Variants in IFFO1 observed in about 807,000 individuals in gnomAD.
IFFO1 encodes intermediate filament family orphan 1.
Under a neutral mutation model 59.6 loss-of-function variants are expected in IFFO1, and 42 were observed. The observed-to-expected ratio is 0.70, with a 90% CI of 0.55 to 0.91. IFFO1 has a LOEUF of 0.91. Among genes scored for constraint, IFFO1 ranks in the 40% least tolerant of loss-of-function variants. IFFO1 has a pLI of 0.00. For synonymous variants in IFFO1, 336 were observed against 342.8 expected (o/e 0.98, Z 0.22); for missense variants, 711 against 793.2 (o/e 0.90, Z 1.24).
Position 6,549,053 on chromosome 12 carries a change from G to A in IFFO1, c.1081-204C>T. The A allele has an allele frequency of 1.7e-6, 1 of 594,036 alleles. No homozygotes were observed. Among genetic ancestry groups the A allele is most frequent in the Non-Finnish European group, 3.0e-6 (1 of 336,292 alleles). 36.8% of individuals were successfully genotyped at this position (594,036 alleles called of 1,614,324 possible). ...GGGGGTCAGGGCTGCAAACCGAGAAGGCAGAACAAGAAGAAATCGAGAAGA... is the reference window on the plus strand; with the variant it reads ...GGGGGTCAGGGCTGCAAACCGAGAAAGCAGAACAAGAAGAAATCGAGAAGA... On this transcript the variant is annotated intron_variant, in intron 5 of 9. Coordinates refer to ENST00000619571, the MANE Select transcript of IFFO1 (RefSeq NM_001193457.2). The surrounding 1 kb of genome is among the most constrained non-coding windows in gnomAD (Gnocchi z 5.0).
intron 9 of IFFO1, 118 bp from the exon 10 acceptor site, chr12:6,540,706 C>T (rs569833232): frequency 1.4e-5 from 12 of 859,294 alleles, no homozygotes; most frequent in East Asian, 1.0e-4. Context: ...GAAGCGAGGG[C>T]GGGGCCGCGG....
Position 6,549,562 on chromosome 12 carries a change from G to GCCCCCC in IFFO1, c.1072-79_1072-78insGGGGGG. The GCCCCCC allele has an allele frequency of 9.6e-7, 1 of 1,041,638 alleles. No homozygotes were observed. Among genetic ancestry groups the GCCCCCC allele is most frequent in the Non-Finnish European group, 1.5e-6 (1 of 675,760 alleles). 64.5% of individuals were successfully genotyped at this position (1,041,638 alleles called of 1,614,324 possible). A position where few individuals can be genotyped will look rare whatever the true frequency, so the allele number is the denominator to read the frequency against. ...AGAGGAGAGAGAGGGGGAAGGGAGA[G>GCCCCCC]ACGGCGTTAGAGACAGCTTCCACGA... On this transcript the variant is annotated intron_variant, in intron 4 of 9. Coordinates refer to ENST00000619571, the MANE Select transcript of IFFO1 (RefSeq NM_001193457.2). This position sits in a 1 kb window ranked among gnomAD's most constrained non-coding sequence, Gnocchi z 5.0.
At chr12:6,550,181 C>T in intron 3 of IFFO1, 1 of 411,224 alleles carries the variant, frequency 2.4e-6, no homozygotes, top group South Asian at 4.8e-5. Flanking sequence ...ACTGGAACGA[C>T]TAGCGGTCCT....
chr12:6,549,062 A>G lies in IFFO1; in HGVS notation c.1081-213T>C. On this transcript the variant is annotated intron_variant, in intron 5 of 9. Transcript: ENST00000619571. This position sits in a 1 kb window ranked among gnomAD's most constrained non-coding sequence, Gnocchi z 5.0. ...GGCTGCAAACCGAGAAGGCAGAACA[A>G]GAAGAAATCGAGAAGAAGAGCAGTC... The G allele has an allele frequency of 3.4e-6, 2 of 589,604 alleles. No individual in the cohort carries two copies. The highest frequency in any genetic ancestry group is 6.0e-6 in the Non-Finnish European group (2 of 333,700). 36.5% of individuals were successfully genotyped at this position (589,604 alleles called of 1,614,324 possible).
Position 6,550,801 on chromosome 12 carries a change from G to A in IFFO1, c.835-11C>T. The A allele has an allele frequency of 1.2e-6, 2 of 1,613,232 alleles. No homozygotes were observed. Among genetic ancestry groups the A allele is most frequent in the African/African-American group, 1.3e-5 (1 of 75,032 alleles). On this transcript the variant is annotated splice_polypyrimidine_tract_variant and intron_variant, in intron 2 of 9. Transcript: ENST00000619571. Reference sequence around the variant, plus strand: ...AGCCTCCTGGGCTTCCTGCAGTTGGGAGAAACCCTGATGTTGGTGGCACTG... The same window carrying A: ...AGCCTCCTGGGCTTCCTGCAGTTGGAAGAAACCCTGATGTTGGTGGCACTG...
chr12:6,549,773 T>C lies in IFFO1; in HGVS notation c.1054A>G (p.Met352Val), dbSNP rs778251881. 12 of 1,613,730 alleles carry C rather than the reference T, an allele frequency of 7.4e-6. No homozygotes were observed. Among genetic ancestry groups the C allele is most frequent in the Middle Eastern group, 1.6e-4 (1 of 6,080 alleles). Residue 352 changes from methionine (M) to valine (V), a missense_variant, in exon 4 of 10, where the codon ATG becomes GTG. Coordinates refer to ENST00000619571, the MANE Select transcript of IFFO1 (RefSeq NM_001193457.2). This position sits in a 1 kb window ranked among gnomAD's most constrained non-coding sequence, Gnocchi z 5.0. ...GTCCTCACCTGGAACATCTGGATCA[T>C]GTCCTCGCAGTTGCGCTGCTGAGCC... Reference protein sequence around the residue: ...DVAQQRNCEDMIQMFQKKLSL... With the variant: ...DVAQQRNCEDVIQMFQKKLSL...
chr12:6,551,302 C>T, intron 1 of IFFO1: 1 of 718,052 alleles, frequency 1.4e-6, no homozygotes, highest in Non-Finnish European at 2.1e-6. Flanking sequence ...ATGCCCATCC[C>T]TGCTCAGGCC....
chr12:6,550,596 G>T, intron 3 of IFFO1, 99 bp downstream of exon 3: 1 of 806,554 alleles, frequency 1.2e-6, no homozygotes. Flanking sequence ...AAGGGGAGGA[G>T]CCGTGGACGG....
At position 6,551,307 on chromosome 12, in the gene IFFO1, C is replaced by T; in HGVS notation, c.774-306G>A. ...GTCCTCCGTGATGCCCATCCCTGCTCAGGCCCCAGCTCAGCCAGCTGTCCG... is the reference window on the plus strand; with the variant it reads ...GTCCTCCGTGATGCCCATCCCTGCTTAGGCCCCAGCTCAGCCAGCTGTCCG... On this transcript the variant is annotated intron_variant, in intron 1 of 9. Coordinates refer to ENST00000619571, the MANE Select transcript of IFFO1 (RefSeq NM_001193457.2). The T allele has an allele frequency of 4.0e-6, 3 of 746,236 alleles. No homozygotes were observed. In the South Asian group the frequency reaches 4.9e-5, roughly 12 times the overall value. 46.2% of individuals were successfully genotyped at this position (746,236 alleles called of 1,614,324 possible).
rs912942529 is a variant in IFFO1, at chr12:6,541,359, T to C, written c.1610+153A>G. ...ATCCAACTGCCAAGGGAGAGAGCTG[T>C]GGGTCTGGGCCAGCCCCACCAGGTA... On this transcript the variant is annotated intron_variant, in intron 9 of 9. Transcript: ENST00000619571. This position sits in a 1 kb window ranked among gnomAD's most constrained non-coding sequence, Gnocchi z 4.8. 2.6e-5 allele frequency among the ~76,000 whole-genome samples: 4 copies of C among 152,156 alleles called. No individual in the cohort carries two copies. The highest frequency in any genetic ancestry group is 9.7e-5 in the African/African-American group (4 of 41,438).
chr12:6,544,529 T>A (rs749649239), intron 8 of IFFO1, among the ~76,000 whole-genome samples: 5 of 152,174 alleles, frequency 3.3e-5, no homozygotes, highest in Admixed American at 6.5e-5. Flanking sequence ...TCAGATCATG[T>A]TTTACACTGG....
chr12:6,555,919 G>T lies in IFFO1; in HGVS notation c.111C>A (p.Asp37Glu). ...CCGGCGAGAGAGGCGCCGGGGGCAA[G>T]TCTCCTCCCCCGGCGAAGTGGTCGC... ...LGGDHFAGGG[D>E]LPPAPLSPAG... The change falls in exon 1 of 10, where the codon GAC becomes GAA. Residue 37 changes from aspartate to glutamate, a missense_variant. By Grantham distance (45) the Asp-to-Glu change is conservative. Around this residue, in one of 3 missense-constraint regions of IFFO1, gnomAD observed 114 missense variants for 102.4 expected, o/e 1.11. Coordinates refer to ENST00000619571, the MANE Select transcript of IFFO1 (RefSeq NM_001193457.2). This position sits in a 1 kb window ranked among gnomAD's most constrained non-coding sequence, Gnocchi z 8.6. The T allele has an allele frequency of 6.4e-7, 1 of 1,553,008 alleles. No homozygotes were observed. The highest frequency in any genetic ancestry group is 8.7e-7 in the Non-Finnish European group (1 of 1,154,004).
rs571693655 is a variant in IFFO1, at chr12:6,541,403, C to T, written c.1610+109G>A. 3.5e-6 allele frequency: 5 copies of T among 1,424,432 alleles called. No homozygotes were observed. The highest frequency in any genetic ancestry group is 1.4e-5 in the African/African-American group (1 of 71,284). The allele number at this position is 1,424,432 out of a possible 1,614,324, so 88.2% of individuals were successfully genotyped here. On this transcript the variant is annotated intron_variant, in intron 9 of 9. Transcript: ENST00000619571. The surrounding 1 kb of genome is among the most constrained non-coding windows in gnomAD (Gnocchi z 4.8). ...CCAGGTAACTCCCAAAGGGCAGCCC[C>T]ACAGCAAGATGTGACCCAGTCATTG... is the stretch of plus-strand genomic sequence containing the variant.
At position 6,541,159 on chromosome 12, in the gene IFFO1, C is replaced by A. The variant is rs569866630; in HGVS notation, c.1610+353G>T. On this transcript the variant is annotated intron_variant, in intron 9 of 9. Coordinates refer to ENST00000619571, the MANE Select transcript of IFFO1 (RefSeq NM_001193457.2). This position sits in a 1 kb window ranked among gnomAD's most constrained non-coding sequence, Gnocchi z 4.8. Reference sequence around the variant, plus strand: ...TTTTTAAAAATTCACTTTCTTGTTGCGGTGTAACTTACACAGGGTCAAATG... The same window carrying A: ...TTTTTAAAAATTCACTTTCTTGTTGAGGTGTAACTTACACAGGGTCAAATG... Among the ~76,000 whole-genome samples, 22 of 152,232 alleles carry A rather than the reference C, an allele frequency of 1.4e-4. No individual in the cohort carries two copies. Among genetic ancestry groups the A allele is most frequent in the African/African-American group, 5.1e-4 (21 of 41,554 alleles).
Position 6,555,602 on chromosome 12 carries a change from G to C in IFFO1, c.428C>G (p.Ala143Gly). ...AGGGCTGCAGACAGCGGCCGGCCGG[G>C]CGCCCAGCTGCAGCCCCAGGGGCCG... ...PIRPLGLQLG[A>G]RPAAVCSPSA... Residue 143 changes from alanine (A) to glycine (G), a missense_variant, in exon 1 of 10, where the codon GCC becomes GGC. Around this residue, in one of 3 missense-constraint regions of IFFO1, gnomAD observed 579 missense variants for 650.3 expected, o/e 0.89. Coordinates refer to ENST00000619571, the MANE Select transcript of IFFO1 (RefSeq NM_001193457.2). This position sits in a 1 kb window ranked among gnomAD's most constrained non-coding sequence, Gnocchi z 8.6. 7.1e-7 allele frequency: 1 copy of C among 1,415,582 alleles called. No homozygotes were observed. The allele number at this position is 1,415,582 out of a possible 1,614,324, so 87.7% of individuals were successfully genotyped here. A position where few individuals can be genotyped will look rare whatever the true frequency, so the allele number is the denominator to read the frequency against.
chr12:6,552,617 C>T (rs919407512), intron 1 of IFFO1, among the ~76,000 whole-genome samples: 1 of 152,220 alleles, frequency 6.6e-6, no homozygotes, highest in Non-Finnish European at 1.5e-5. Flanking sequence ...GACAGTAAGC[C>T]TGTCAAGGGC....
At position 6,555,951 on chromosome 12, in the gene IFFO1, G is replaced by A. The variant is rs758681760; in HGVS notation, c.79C>T (p.Leu27=). ...CCCCCGGCGAAGTGGTCGCCTCCCA[G>A]TGAGTCCCCCAGTGGCCCGGCCAGG... ...QGLAGPLGDS[L]GGDHFAGGGD... Residue 27 remains leucine (L), a synonymous_variant, in exon 1 of 10, where the codon CTG becomes TTG. Coordinates refer to ENST00000619571, the MANE Select transcript of IFFO1 (RefSeq NM_001193457.2). This position sits in a 1 kb window ranked among gnomAD's most constrained non-coding sequence, Gnocchi z 8.6. The A allele has an allele frequency of 1.9e-6, 3 of 1,559,106 alleles. No individual in the cohort carries two copies. The highest frequency in any genetic ancestry group is 1.4e-5 in the African/African-American group (1 of 73,870).
intron 8 of IFFO1, among the ~76,000 whole-genome samples, chr12:6,547,186 G>A (rs1947003708): frequency 6.6e-6 from 1 of 152,150 alleles, no homozygotes; most frequent in Non-Finnish European, 1.5e-5. Flanking sequence ...GAGTTAGGAG[G>A]ACTGCTTGAA....
Position 6,548,937 on chromosome 12 carries a change from C to T in IFFO1, c.1081-88G>A. 1.8e-6 allele frequency: 2 copies of T among 1,115,746 alleles called. No individual in the cohort carries two copies. Among genetic ancestry groups the T allele is most frequent in the Non-Finnish European group, 2.6e-6 (2 of 780,892 alleles). 69.1% of individuals were successfully genotyped at this position (1,115,746 alleles called of 1,614,324 possible). On this transcript the variant is annotated intron_variant, in intron 5 of 9. Transcript: ENST00000619571. The surrounding 1 kb of genome is among the most constrained non-coding windows in gnomAD (Gnocchi z 6.1). ...GTGGGAATGGGGGAGAAGCATGAAC[C>T]AGTAGGAAGGGGGGGCAGACAGAGA...
Sources: gnomAD v4.1 joint callset for allele counts (sites outside exome capture counted in the v4.1 genomes callset) on GRCh38, gnomAD v4.1.1 for gene constraint, gnomAD v4.1.1 regional missense constraint, Gnocchi (gnomAD v3.1) non-coding constraint, MANE v1.5 for transcripts, NCBI Gene and HGNC (gene_info 2026-07-23, HGNC 2026-07-21) for gene names.